The following GALC variants were observed in gnomAD, a reference collection of about 807,000 sequenced individuals.
GALC encodes the protein galactocerebrosidase.
Under a neutral mutation model 91.8 loss-of-function variants are expected in GALC, and 77 were observed. The observed-to-expected ratio is 0.84, with a 90% CI of 0.70 to 1.01. The LOEUF is 1.01. Among genes scored for constraint, GALC ranks in the 50% least tolerant of loss-of-function variants. The probability of loss-of-function intolerance (pLI) is 0.00; values close to 1 mark genes in which losing one functional copy is unlikely to be tolerated. For synonymous variants in GALC, 357 were observed against 306.7 expected (o/e 1.16, Z -1.71); for missense variants, 882 against 855.9 (o/e 1.03, Z -0.38).
At chr14:87,985,473 T>C (rs1886930369) in intron 4 of GALC, among the ~76,000 whole-genome samples, 1 of 152,212 alleles carries the variant, frequency 6.6e-6, no homozygotes, top group African/African-American at 2.4e-5. Flanking sequence ...ATTTTCTACA[T>C]TTAAATGAGG....
intron 3 of GALC, among the ~76,000 whole-genome samples, chr14:87,987,551 T>C (rs1432890290): frequency 1.3e-5 from 2 of 152,218 alleles, no homozygotes; most frequent in Non-Finnish European, 2.9e-5. Context: ...AGTAATACTC[T>C]AGAGTTCATT....
In GALC at chr14:87,984,375, T is replaced by C. The variant is rs752090618; in HGVS notation, c.582+19A>G. On this transcript the variant is annotated intron_variant, in intron 5 of 16. Transcript: ENST00000261304. Reference sequence around the variant, plus strand: ...AACAAATGTCCAAAACTGAATCATATTTTAAATATATTACTAACTCCAATA... The same window carrying C: ...AACAAATGTCCAAAACTGAATCATACTTTAAATATATTACTAACTCCAATA... The C allele has an allele frequency of 1.9e-6, 3 of 1,599,492 alleles. No homozygotes were observed. Among genetic ancestry groups the C allele is most frequent in the Non-Finnish European group, 2.6e-6 (3 of 1,170,690 alleles).
At chr14:87,937,278 C>G (rs1029048639) in intron 16 of GALC, among the ~76,000 whole-genome samples, 1 of 21,114 alleles carries the variant, frequency 4.7e-5, no homozygotes, top group Admixed American at 9.1e-4. Flanking sequence ...TCTTATGGAG[C>G]TTATATTCTA....
chr14:87,946,512 C>CT (rs5810391), intron 13 of GALC, among the ~76,000 whole-genome samples: 145,543 of 152,046 alleles, frequency 0.96, 69,955 homozygotes, highest in Non-Finnish European at 1. Flanking sequence ...TAATATTTAA[C>CT]TTAGTTTTAA....
intron 8 of GALC, among the ~76,000 whole-genome samples, chr14:87,967,052 C>T (rs900754998): frequency 4.6e-5 from 7 of 152,092 alleles, no homozygotes; most frequent in Admixed American, 2.0e-4. Context: ...GGTATAACAA[C>T]GAGTGTCTCG....
At chr14:87,993,344 C>A (rs778333778), upstream of GALC, 1 of 1,535,606 alleles carries the variant, frequency 6.5e-7, no homozygotes, top group East Asian at 2.4e-5. Context: ...TTATCGCTCG[C>A]GTGTCTGTGG....
At position 87,988,491 on chromosome 14, in the gene GALC, C is replaced by T. The variant is rs1887064001; in HGVS notation, c.228G>A (p.Glu76=). 2.5e-6 allele frequency: 4 copies of T among 1,611,466 alleles called. No individual in the cohort carries two copies. The highest frequency in any genetic ancestry group is 3.4e-6 in the Non-Finnish European group (4 of 1,177,772). The change falls in exon 2 of 17, where the codon GAG becomes GAA. Residue 76 remains glutamate, a synonymous_variant. Transcript: ENST00000261304. ...ATSRLLVNYP[E]PYRSQILDYL... ...AATCCAATATCTGAGAACGATAGGG[C>T]TCTGGGTAATTTACTAGAAGTCGGG...
chr14:87,941,559 C>T lies in GALC; in HGVS notation c.1671-1G>A, dbSNP rs1182103005. ...ATCACACTTTATAGTCAGATTGGTCCTGCAAAATAAAACGGTTGATTAGTA... is the reference window on the plus strand; with the variant it reads ...ATCACACTTTATAGTCAGATTGGTCTTGCAAAATAAAACGGTTGATTAGTA... On this transcript the variant is annotated splice_acceptor_variant, in intron 14 of 16. Transcript: ENST00000261304. LOFTEE classifies it high-confidence loss of function. 5 of 1,566,828 alleles carry T rather than the reference C, an allele frequency of 3.2e-6. No individual in the cohort carries two copies. In the African/African-American group the frequency reaches 5.4e-5, roughly 17 times the overall value.
At chr14:87,985,569 A>G (rs1886933969) in intron 4 of GALC, among the ~76,000 whole-genome samples, 1 of 152,232 alleles carries the variant, frequency 6.6e-6, no homozygotes, top group Admixed American at 6.5e-5. Flanking sequence ...CTCTTACAAA[A>G]GCCCATTTAT....
At chr14:87,954,302 C>T (rs1413073740) in intron 10 of GALC, 89 of 1,578,096 alleles carry the variant, frequency 5.6e-5, no homozygotes, top group Non-Finnish European at 7.7e-5. Flanking sequence ...TTGTTGATTT[C>T]ACTATACTGA....
intron 9 of GALC, among the ~76,000 whole-genome samples, chr14:87,963,953 C>T (rs1477745569): frequency 6.6e-6 from 1 of 152,168 alleles, no homozygotes; most frequent in East Asian, 1.9e-4. Context: ...TAAGCTCGTC[C>T]TGAAAATGCA....
At chr14:87,977,912 A>G (rs1435157407) in intron 6 of GALC, among the ~76,000 whole-genome samples, 1 of 152,224 alleles carries the variant, frequency 6.6e-6, no homozygotes, top group Non-Finnish European at 1.5e-5. Context: ...AAACTGGATC[A>G]GTTGAGTTCT....
At chr14:87,992,228 A>G in intron 1 of GALC, 1 of 1,487,880 alleles carries the variant, frequency 6.7e-7, no homozygotes, top group South Asian at 1.2e-5. Context: ...ATCCGAGTTC[A>G]ACCTTAACAT....
chr14:87,963,798 C>T (rs528612911), intron 9 of GALC, among the ~76,000 whole-genome samples: 3 of 151,990 alleles, frequency 2.0e-5, no homozygotes, highest in South Asian at 4.2e-4. Context: ...GTTATTCCCC[C>T]CCCAAACTTG....
intron 1 of GALC, among the ~76,000 whole-genome samples, chr14:87,990,516 A>G (rs758884076): frequency 2.0e-5 from 3 of 152,260 alleles, no homozygotes; most frequent in African/African-American, 4.8e-5. Flanking sequence ...TTTCTCAAAG[A>G]GCTTACAACC....
At chr14:87,981,894 A>C (rs971353198) in intron 6 of GALC, among the ~76,000 whole-genome samples, 1 of 152,182 alleles carries the variant, frequency 6.6e-6, no homozygotes, top group Non-Finnish European at 1.5e-5. Context: ...AAAAATCTAA[A>C]ATGATATAAT....
At chr14:87,975,097 T>A (rs888904584) in intron 7 of GALC, among the ~76,000 whole-genome samples, 4 of 151,962 alleles carry the variant, frequency 2.6e-5, no homozygotes, top group African/African-American at 9.7e-5. Flanking sequence ...AGAAATTTTA[T>A]CTTGCAAAAA....
intron 5 of GALC, among the ~76,000 whole-genome samples, chr14:87,983,093 A>G (rs1426526563): frequency 6.6e-6 from 1 of 152,096 alleles, no homozygotes; most frequent in Non-Finnish European, 1.5e-5. Flanking sequence ...TAATCCCAGC[A>G]CTTTGGGAGG....
chr14:87,981,716 G>C (rs1423707968), intron 6 of GALC, among the ~76,000 whole-genome samples: 1 of 152,030 alleles, frequency 6.6e-6, no homozygotes, highest in Non-Finnish European at 1.5e-5. Context: ...AGATAAATAG[G>C]AAAAGTGGAA....
Sources: allele counts gnomAD v4.1 joint callset (sites outside exome capture counted in the v4.1 genomes callset), GRCh38; gene constraint gnomAD v4.1.1; transcripts MANE v1.5; gene names NCBI Gene and HGNC (gene_info 2026-07-23, HGNC 2026-07-21).